STX12: variants seen among roughly 807,000 people sequenced by gnomAD.
STX12 encodes the protein syntaxin-12.
A neutral mutation model predicts 42.2 loss-of-function variants in STX12; 17 were observed. The observed-to-expected ratio is 0.40, with a 90% CI of 0.28 to 0.60. STX12 has a LOEUF of 0.60. STX12 is among the 20% of genes least tolerant of loss of function. The pLI is 0.39. For missense variants in STX12, 297 were observed against 330.9 expected, an observed-to-expected ratio of 0.90 and a Z score of 0.79; for synonymous variants, 108 against 116.7, an observed-to-expected ratio of 0.93 and a Z score of 0.48.
At chr1:27,795,981 A>G (rs967630921) in intron 3 of STX12, among the ~76,000 whole-genome samples, 7 of 152,224 alleles carry the variant, frequency 4.6e-5, no homozygotes, top group African/African-American at 1.7e-4. Flanking sequence ...GAGTAGTGAA[A>G]GTATTTAAGA....
At chr1:27,780,232 C>T (rs1367869947) in intron 1 of STX12, among the ~76,000 whole-genome samples, 1 of 121,688 alleles carries the variant, frequency 8.2e-6, no homozygotes, top group Non-Finnish European at 1.6e-5. Context: ...TTTTTTGAGA[C>T]GGAGTCTTGC....
intron 4 of STX12, among the ~76,000 whole-genome samples, chr1:27,808,387 G>C (rs912177145): frequency 6.7e-6 from 1 of 148,966 alleles, no homozygotes; most frequent in African/African-American, 2.5e-5. Flanking sequence ...TGTCACTCAG[G>C]CTGTAGTGCA....
chr1:27,793,413 C>T, intron 2 of STX12, 120 bp from the exon 3 acceptor site: 1 of 754,724 alleles, frequency 1.3e-6, no homozygotes. Context: ...CATCTAGGGA[C>T]TCATTTCTTC....
At chr1:27,778,883 C>T (rs546139809) in intron 1 of STX12, among the ~76,000 whole-genome samples, 1 of 152,160 alleles carries the variant, frequency 6.6e-6, no homozygotes, top group Admixed American at 6.5e-5. Flanking sequence ...CTTGAGTCTC[C>T]CAAATAGCTA....
intron 1 of STX12, among the ~76,000 whole-genome samples, chr1:27,780,090 C>G (rs1408683460): frequency 6.6e-6 from 1 of 151,786 alleles, no homozygotes; most frequent in Middle Eastern, 3.2e-3. Context: ...TGCGTCCGCC[C>G]TTTGGTTCCT....
At chr1:27,815,901 C>T (rs2088937764) in intron 6 of STX12, among the ~76,000 whole-genome samples, 1 of 152,204 alleles carries the variant, frequency 6.6e-6, no homozygotes, top group Non-Finnish European at 1.5e-5. Flanking sequence ...ATAGGCCAGA[C>T]GTGGTGGTTC....
At chr1:27,777,456 G>A (rs144508431) in intron 1 of STX12, among the ~76,000 whole-genome samples, 83 of 152,298 alleles carry the variant, frequency 5.4e-4, no homozygotes, top group African/African-American at 1.7e-3. Flanking sequence ...CATTATATAG[G>A]ATCTTGATGC....
At chr1:27,799,665 A>G (rs1433183601) in intron 3 of STX12, among the ~76,000 whole-genome samples, 1 of 151,444 alleles carries the variant, frequency 6.6e-6, no homozygotes, top group African/African-American at 2.4e-5. Context: ...TTGTATTTTT[A>G]GTAGAGACAT....
Position 27,793,632 on chromosome 1 carries a change from G to A in STX12, c.288G>A (p.Gln96=). The A allele has an allele frequency of 6.2e-7, 1 of 1,612,630 alleles. No homozygotes were observed. The change falls in exon 3 of 9, where the codon CAG becomes CAA. Residue 96 remains glutamine, a splice_region_variant and synonymous_variant. Coordinates refer to ENST00000373943, the MANE Select transcript of STX12 (RefSeq NM_177424.3). ...CCCTTCCCTTATCTACTTCAGAACA[G>A]GTTGGTATTTTCTGTTTTGTTTATT... ...SLPLPLSTSE[Q]RQQRLQKERL...
chr1:27,808,583 C>G (rs1374252942), intron 4 of STX12, among the ~76,000 whole-genome samples: 1 of 152,116 alleles, frequency 6.6e-6, no homozygotes, highest in Admixed American at 6.6e-5. Context: ...TCAAAGTGAT[C>G]TGCCCACCTC....
intron 6 of STX12, among the ~76,000 whole-genome samples, chr1:27,814,863 G>A (rs1412606306): frequency 6.6e-6 from 1 of 150,798 alleles, no homozygotes; most frequent in East Asian, 1.9e-4. Flanking sequence ...AATACAGTTG[G>A]CCCTCGATAT....
chr1:27,795,724 AGAG>A (rs911056050), intron 3 of STX12, among the ~76,000 whole-genome samples: 1 of 152,180 alleles, frequency 6.6e-6, no homozygotes, highest in African/African-American at 2.4e-5. Flanking sequence ...TGCAGAAGAG[AGAG>A]GAGGACAAGA....
Position 27,823,172 on chromosome 1 carries a change from T to C in STX12, c.*843T>C, listed in dbSNP as rs1213713249. On this transcript the variant is annotated 3_prime_UTR_variant, in exon 9 of 9. Transcript: ENST00000373943. ...GATTTAATCTTGTTGTTGTTGTTGT[T>C]GTTGTTCACTTGTGGTTCTACATTC... 6.6e-6 allele frequency: 1 copy of C among 152,238 alleles called. No homozygotes were observed. Among genetic ancestry groups the C allele is most frequent in the Admixed American group, 6.5e-5 (1 of 15,286 alleles). The allele number at this position is 152,238 out of a possible 1,614,324, so 9.4% of individuals were successfully genotyped here.
chr1:27,812,666 C>A (rs1375815868), intron 6 of STX12, among the ~76,000 whole-genome samples: 7 of 151,312 alleles, frequency 4.6e-5, no homozygotes, highest in Non-Finnish European at 2.9e-5. Context: ...GTCTTGAACT[C>A]ACGACCTCAG....
At chr1:27,802,022 A>G (rs1170340553) in intron 4 of STX12, 3 of 381,626 alleles carry the variant, frequency 7.9e-6, no homozygotes, top group Admixed American at 4.7e-5. Flanking sequence ...ATATAGGAGG[A>G]AGAACTATGT....
intron 6 of STX12, among the ~76,000 whole-genome samples, chr1:27,814,020 C>T (rs780752297): frequency 6.6e-5 from 10 of 152,154 alleles, no homozygotes; most frequent in Non-Finnish European, 1.3e-4. Context: ...CCTGCCTCAG[C>T]CTCCTGAGTA....
chr1:27,814,837 CAA>C (rs34514169), intron 6 of STX12, among the ~76,000 whole-genome samples: 7 of 84,532 alleles, frequency 8.3e-5, no homozygotes, highest in African/African-American at 7.1e-5. Flanking sequence ...GACTCTGTCT[CAA>C]AAAAAAAAAA....
At position 27,773,880 on chromosome 1, in the gene STX12, C is replaced by T. The variant is rs562557189; in HGVS notation, c.118+455C>T. On this transcript the variant is annotated intron_variant, in intron 1 of 8. Coordinates refer to ENST00000373943, the MANE Select transcript of STX12 (RefSeq NM_177424.3). ...TTTACATTCTGCTCAGCCCCTGGCT[C>T]CTCGGAAATCAGCAACTTTCAATTA... 8.6e-5 allele frequency: 14 copies of T among 162,008 alleles called. No individual in the cohort carries two copies. The East Asian group carries it at 2.3e-3, about 26-fold the overall frequency. The allele number at this position is 162,008 out of a possible 1,614,324, so 10.0% of individuals were successfully genotyped here.
At chr1:27,793,071 T>C (rs1207995713) in intron 2 of STX12, among the ~76,000 whole-genome samples, 2 of 152,350 alleles carry the variant, frequency 1.3e-5, no homozygotes, top group South Asian at 2.1e-4. Flanking sequence ...TTGGAGGTTG[T>C]TCCCTAGGGT....
Sources: allele counts gnomAD v4.1 joint callset (sites outside exome capture counted in the v4.1 genomes callset), GRCh38; gene constraint gnomAD v4.1.1; transcripts MANE v1.5; gene names NCBI Gene and HGNC (gene_info 2026-07-23, HGNC 2026-07-21).